Variants in DIS3L2 observed in about 807,000 individuals in gnomAD.
DIS3L2 encodes the protein DIS3-like exonuclease 2.
Under a neutral mutation model 97.5 loss-of-function variants are expected in DIS3L2, and 34 were observed. The observed-to-expected ratio is 0.35, with a 90% CI of 0.27 to 0.46. DIS3L2 has a LOEUF of 0.46. Among genes scored for constraint, DIS3L2 ranks in the 20% least tolerant of loss-of-function variants. The pLI is 1.00. For synonymous variants in DIS3L2, 435 were observed against 445.2 expected (o/e 0.98, Z 0.29); for missense variants, 1,038 against 1,146.0 (o/e 0.91, Z 1.36).
chr2:231,985,030 A>G (rs146651124), intron 1 of DIS3L2, among the ~76,000 whole-genome samples: 2 of 152,358 alleles, frequency 1.3e-5, no homozygotes, highest in Non-Finnish European at 2.9e-5. Flanking sequence ...TAACTAAGGT[A>G]CAGTATCACC....
intron 1 of DIS3L2, among the ~76,000 whole-genome samples, chr2:231,985,125 C>T (rs1309204023): frequency 2.6e-5 from 4 of 152,174 alleles, no homozygotes; most frequent in African/African-American, 9.7e-5. Flanking sequence ...TGCTTTTACT[C>T]ATTTGTGTGT....
At chr2:232,298,590 A>G (rs991199785) in intron 13 of DIS3L2, among the ~76,000 whole-genome samples, 1 of 152,194 alleles carries the variant, frequency 6.6e-6, no homozygotes, top group Non-Finnish European at 1.5e-5. Context: ...TTAGAGGACA[A>G]ACCATTCCTG....
intron 14 of DIS3L2, chr2:232,329,206 C>G (rs1695660792): frequency 6.6e-6 from 1 of 152,530 alleles, no homozygotes; most frequent in Non-Finnish European, 1.5e-5. Context: ...CTCAGACTGT[C>G]CTGTCTACCC....
intron 1 of DIS3L2, among the ~76,000 whole-genome samples, chr2:231,981,632 ATAT>A (rs1693263431): frequency 7.1e-6 from 1 of 140,122 alleles, no homozygotes; most frequent in African/African-American, 2.6e-5. Context: ...ATATATATAT[ATAT>A]ATGAGACATA....
At chr2:231,998,304 A>G (rs1693784473) in intron 1 of DIS3L2, among the ~76,000 whole-genome samples, 1 of 152,206 alleles carries the variant, frequency 6.6e-6, no homozygotes, top group Admixed American at 6.5e-5. Flanking sequence ...GAGAGGGCCA[A>G]ACTCACTTTT....
At chr2:232,343,313 T>G (rs774796566) in intron 13 of DIS3L2, 6 of 1,543,890 alleles carry the variant, frequency 3.9e-6, no homozygotes, top group Middle Eastern at 1.8e-4. Flanking sequence ...AAACCGCGCC[T>G]CCTCATCCAG....
chr2:232,332,159 G>GGAA (rs1695756586), intron 16 of DIS3L2, among the ~76,000 whole-genome samples: 1 of 151,218 alleles, frequency 6.6e-6, no homozygotes, highest in Admixed American at 6.6e-5. Context: ...AGGGGCCAGG[G>GGAA]CCCTTCATCA....
At chr2:232,149,215 A>AT (rs960460409) in intron 8 of DIS3L2, among the ~76,000 whole-genome samples, 8 of 140,870 alleles carry the variant, frequency 5.7e-5, no homozygotes, top group Middle Eastern at 7.1e-3. Context: ...TTTTTATTAT[A>AT]TTCTAAGTTT....
At chr2:232,002,640 C>CT (rs1054052142) in intron 1 of DIS3L2, among the ~76,000 whole-genome samples, 2 of 151,714 alleles carry the variant, frequency 1.3e-5, no homozygotes, top group East Asian at 1.9e-4. Flanking sequence ...TTTTATGTTG[C>CT]TTTTTTTTGA....
chr2:232,218,010 G>T (rs1351325660), intron 10 of DIS3L2, among the ~76,000 whole-genome samples: 1 of 151,546 alleles, frequency 6.6e-6, no homozygotes, highest in Non-Finnish European at 1.5e-5. Flanking sequence ...AGGATATAGG[G>T]CAGGACCCCT....
chr2:232,102,365 A>G (rs983474068), intron 6 of DIS3L2, among the ~76,000 whole-genome samples: 2 of 152,208 alleles, frequency 1.3e-5, no homozygotes, highest in Non-Finnish European at 2.9e-5. Flanking sequence ...TATGGTAGCA[A>G]CAATTGGGGA....
chr2:232,126,883 C>T (rs1559655761), intron 6 of DIS3L2, among the ~76,000 whole-genome samples: 1 of 152,192 alleles, frequency 6.6e-6, no homozygotes, highest in African/African-American at 2.4e-5. Context: ...CATGGCAGGT[C>T]CACTCACAGA....
At chr2:232,060,243 A>G (rs1310235574) in intron 5 of DIS3L2, among the ~76,000 whole-genome samples, 2 of 151,728 alleles carry the variant, frequency 1.3e-5, no homozygotes, top group Non-Finnish European at 2.9e-5. Context: ...ACTTGATGTG[A>G]TCCCATTTGT....
chr2:232,015,903 T>A (rs1275713940), intron 3 of DIS3L2: 1 of 381,016 alleles, frequency 2.6e-6, no homozygotes, highest in Non-Finnish European at 4.7e-6. Flanking sequence ...GCTCTGAGAT[T>A]TGAGAGGAGG....
At chr2:232,322,181 C>T (rs1222134012) in intron 14 of DIS3L2, among the ~76,000 whole-genome samples, 1 of 152,246 alleles carries the variant, frequency 6.6e-6, no homozygotes, top group Non-Finnish European at 1.5e-5. Flanking sequence ...CTGCTGCCTC[C>T]TCCTCAGAGG....
chr2:232,046,464 T>C (rs1695247586), intron 5 of DIS3L2, among the ~76,000 whole-genome samples: 1 of 152,242 alleles, frequency 6.6e-6, no homozygotes, highest in Admixed American at 6.5e-5. Flanking sequence ...TCTTCTTTGC[T>C]CTTAAGATAA....
rs536515286 is a variant in DIS3L2, at chr2:232,115,789, C to G, written c.602-14830C>G. 3.3e-5 allele frequency among the ~76,000 whole-genome samples: 5 copies of G among 152,274 alleles called. No homozygotes were observed. The South Asian group carries it at 1.0e-3, about 32-fold the overall frequency. ...TGTAAGTTTCCTGAGGCCTCCCCAG[C>G]CTACAAAACTGTGAGTCAATTAAAC... is the stretch of plus-strand genomic sequence containing the variant. On this transcript the variant is annotated intron_variant, in intron 6 of 20. Coordinates refer to ENST00000325385, the MANE Select transcript of DIS3L2 (RefSeq NM_152383.5).
intron 6 of DIS3L2, among the ~76,000 whole-genome samples, chr2:232,116,058 G>C (rs1253797488): frequency 6.6e-6 from 1 of 152,084 alleles, no homozygotes; most frequent in African/African-American, 2.4e-5. Flanking sequence ...TGTAATCCCA[G>C]CTACTCAGGA....
intron 10 of DIS3L2, among the ~76,000 whole-genome samples, chr2:232,226,418 C>T (rs866654951): frequency 6.6e-6 from 1 of 152,192 alleles, no homozygotes; most frequent in Non-Finnish European, 1.5e-5. Flanking sequence ...TGAATGTCTT[C>T]ATCTGTAAAA....
Sources: allele counts gnomAD v4.1 joint callset (sites outside exome capture counted in the v4.1 genomes callset), GRCh38; gene constraint gnomAD v4.1.1; transcripts MANE v1.5; gene names NCBI Gene and HGNC (gene_info 2026-07-23, HGNC 2026-07-21).